DLEU7: variants seen among roughly 807,000 people sequenced by gnomAD.
DLEU7 encodes the protein deleted in lymphocytic leukemia 7.
In DLEU7, 17 loss-of-function variants were observed where a neutral mutation model predicts 16.0. That is an observed-to-expected ratio of 1.06 (90% CI 0.73 to 1.59). DLEU7 has a LOEUF of 1.59. DLEU7 is among the 40% of genes most tolerant of loss of function. The pLI is 0.00. For synonymous variants in DLEU7, 113 were observed against 139.8 expected (o/e 0.81, Z 1.35); for missense variants, 308 against 314.9 (o/e 0.98, Z 0.17).
rs1412652442 is a variant in DLEU7, at chr13:50,726,435, C to G, written c.460-13195G>C. On this transcript the variant is annotated intron_variant, in intron 1 of 1. Transcript: ENST00000400393. The surrounding 1 kb of genome is among the most constrained non-coding windows in gnomAD (Gnocchi z 4.0). Reference sequence around the variant, plus strand: ...TCCCGCCTCCTCCTTTCACGGAACACAGGCTTCCATTTAACCAGAAATACA... The same window carrying G: ...TCCCGCCTCCTCCTTTCACGGAACAGAGGCTTCCATTTAACCAGAAATACA... 6.6e-6 allele frequency among the ~76,000 whole-genome samples: 1 copy of G among 152,210 alleles called. No homozygotes were observed. Among genetic ancestry groups the G allele is most frequent in the Non-Finnish European group, 1.5e-5 (1 of 68,034 alleles).
At chr13:50,732,485 C>A (rs1259302989) in intron 1 of DLEU7, among the ~76,000 whole-genome samples, 1 of 151,168 alleles carries the variant, frequency 6.6e-6, no homozygotes, top group East Asian at 1.9e-4. Flanking sequence ...TGGCAGGCAC[C>A]TGTAATGCCA....
intron 1 of DLEU7, among the ~76,000 whole-genome samples, chr13:50,736,768 G>C (rs1874081956): frequency 6.6e-6 from 1 of 151,870 alleles, no homozygotes. Flanking sequence ...GCACTCAGTT[G>C]GAGAGAAAGG....
At chr13:50,808,617 A>G (rs1357878592) in intron 1 of DLEU7, 2 of 152,138 alleles carry the variant, frequency 1.3e-5, no homozygotes, top group African/African-American at 2.4e-5. Flanking sequence ...TCCTCCAACT[A>G]TGAAGTTTCT....
intron 1 of DLEU7, among the ~76,000 whole-genome samples, chr13:50,747,800 TAACA>T (rs1268054187): frequency 1.3e-5 from 2 of 152,322 alleles, no homozygotes; most frequent in African/African-American, 4.8e-5. Context: ...GCGGGGAGGC[TAACA>T]AACAACCAAT....
At chr13:50,737,608 C>T (rs1459896181) in intron 1 of DLEU7, among the ~76,000 whole-genome samples, 1 of 152,058 alleles carries the variant, frequency 6.6e-6, no homozygotes, top group Non-Finnish European at 1.5e-5. Flanking sequence ...TGTTTTAGGG[C>T]ACCATAAGCC....
At chr13:50,833,739 C>T (rs1877355498) in intron 1 of DLEU7, among the ~76,000 whole-genome samples, 1 of 152,138 alleles carries the variant, frequency 6.6e-6, no homozygotes, top group South Asian at 2.1e-4. Context: ...CAAGACAATC[C>T]TAAGCCAAAA....
rs1200794184 is a variant in DLEU7, at chr13:50,843,550, C to G, written c.97G>C (p.Gly33Arg). 17 of 1,461,762 alleles carry G rather than the reference C, an allele frequency of 1.2e-5. No homozygotes were observed. The highest frequency in any genetic ancestry group is 1.5e-5 in the Non-Finnish European group (17 of 1,117,546). The allele number at this position is 1,461,762 out of a possible 1,614,324, so 90.5% of individuals were successfully genotyped here. The change falls in exon 1 of 2, where the codon GGT becomes CGT. Residue 33 changes from glycine (G) to arginine (R), a missense_variant. Physicochemically the swap from Gly to Arg is moderately radical, Grantham distance 125. Transcript: ENST00000504404. The surrounding 1 kb of genome is among the most constrained non-coding windows in gnomAD (Gnocchi z 5.7). ...CGCGGGTTCCCGGGGGCGACTGGAC[C>G]GTCCCCCCAGCCCCACTCCTGCTGC... ...LLQQEWGWGD[G>R]PVAPGNPRDP...
Position 50,752,690 on chromosome 13 carries a change from C to T in DLEU7, c.460-39450G>A, listed in dbSNP as rs553597605. Among the ~76,000 whole-genome samples the T allele has an allele frequency of 7.5e-4, 113 of 151,372 alleles. 1 individual carries two copies. The highest frequency in any genetic ancestry group is 2.6e-3 in the African/African-American group (109 of 41,140). ...CGCGTCTGGAGTTGTTCATTCCTGC[C>T]AGTGGGTTCGTGGTCTCGCTGGCTT... On this transcript the variant is annotated intron_variant, in intron 1 of 1. Transcript: ENST00000400393.
At chr13:50,754,367 T>TA (rs1344468904) in intron 1 of DLEU7, among the ~76,000 whole-genome samples, 28 of 152,308 alleles carry the variant, frequency 1.8e-4, no homozygotes, top group African/African-American at 6.3e-4. Flanking sequence ...GTTAGATGCA[T>TA]ATATGTTTAG....
At chr13:50,784,588 T>C (rs1449151760) in intron 1 of DLEU7, among the ~76,000 whole-genome samples, 1 of 152,186 alleles carries the variant, frequency 6.6e-6, no homozygotes, top group East Asian at 1.9e-4. Context: ...TCAAGTGCAT[T>C]TTCTATGGGC....
At chr13:50,808,359 T>A (rs892142692) in intron 1 of DLEU7, among the ~76,000 whole-genome samples, 2 of 152,182 alleles carry the variant, frequency 1.3e-5, no homozygotes, top group African/African-American at 4.8e-5. Flanking sequence ...TATCATTATT[T>A]ACTTAAATAT....
At chr13:50,792,247 A>G (rs1875980650) in intron 1 of DLEU7, among the ~76,000 whole-genome samples, 1 of 152,152 alleles carries the variant, frequency 6.6e-6, no homozygotes, top group Non-Finnish European at 1.5e-5. Flanking sequence ...GGCTCATGTG[A>G]TTTAGTCTTC....
chr13:50,831,607 G>A (rs1310567386), intron 1 of DLEU7, among the ~76,000 whole-genome samples: 6 of 152,130 alleles, frequency 3.9e-5, no homozygotes, highest in Non-Finnish European at 1.5e-5. Context: ...CCAATCATTG[G>A]ATAACATGCA....
At chr13:50,821,685 A>G (rs901309496), downstream of DLEU7, among the ~76,000 whole-genome samples, 2 of 152,136 alleles carry the variant, frequency 1.3e-5, no homozygotes, top group African/African-American at 4.8e-5. Context: ...GAAAAAGCAC[A>G]AGCACAGACA....
In DLEU7 at chr13:50,811,792, G is replaced by C. The variant is rs193086224; in HGVS notation, c.459+31396C>G. Among the ~76,000 whole-genome samples the C allele has an allele frequency of 9.7e-4, 148 of 152,218 alleles. 2 individuals are homozygous for C. Among genetic ancestry groups the C allele is most frequent in the Admixed American group, 9.1e-3 (139 of 15,288 alleles). ...TATTTAAATGCCTGTAAGATGTCTG[G>C]GCATGGTGGCTCATGCCTGTAATCA... On this transcript the variant is annotated intron_variant, in intron 1 of 1. Transcript: ENST00000400393.
chr13:50,797,925 T>C (rs1876146944), intron 1 of DLEU7, among the ~76,000 whole-genome samples: 1 of 152,168 alleles, frequency 6.6e-6, no homozygotes, highest in South Asian at 2.1e-4. Flanking sequence ...TTAGCAAAAG[T>C]TGATTTAGCC....
chr13:50,773,390 C>T (rs1875388822), intron 1 of DLEU7, among the ~76,000 whole-genome samples: 1 of 152,200 alleles, frequency 6.6e-6, no homozygotes. Flanking sequence ...TCTGGTTTCT[C>T]CCCATCTTTG....
chr13:50,795,497 G>A (rs1258421291), intron 1 of DLEU7, among the ~76,000 whole-genome samples: 2 of 152,168 alleles, frequency 1.3e-5, no homozygotes, highest in Non-Finnish European at 2.9e-5. Flanking sequence ...TGGAGATGAT[G>A]TGAAAAAGGT....
At chr13:50,749,125 C>T (rs1478948352) in intron 1 of DLEU7, among the ~76,000 whole-genome samples, 2 of 151,396 alleles carry the variant, frequency 1.3e-5, no homozygotes, top group East Asian at 1.9e-4. Flanking sequence ...CACATATCAG[C>T]GAGAGCATAT....
Sources: allele counts gnomAD v4.1 joint callset (sites outside exome capture counted in the v4.1 genomes callset), GRCh38; gene constraint gnomAD v4.1.1; non-coding constraint Gnocchi (gnomAD v3.1); transcripts MANE v1.5; gene names NCBI Gene and HGNC (gene_info 2026-07-23, HGNC 2026-07-21).